The following CGGBP1 variants were observed in gnomAD, a reference collection of about 807,000 sequenced individuals.
The protein encoded by CGGBP1 is CGG triplet repeat binding protein 1, also known as CGG triplet repeat-binding protein 1.
A neutral mutation model predicts 11.4 loss-of-function variants in CGGBP1; 4 were observed. The observed-to-expected ratio is 0.35, with a 90% CI of 0.17 to 0.80. The LOEUF (loss-of-function observed/expected upper bound fraction) is 0.80, where lower values mean the gene tolerates loss of function less well. Ranked by LOEUF, CGGBP1 falls within the 30% of genes least tolerant of loss-of-function variation. CGGBP1 has a pLI of 0.52. For synonymous variants in CGGBP1, 76 were observed against 74.1 expected, an observed-to-expected ratio of 1.03 and a Z score of -0.13; for missense variants, 135 against 202.1, an observed-to-expected ratio of 0.67 and a Z score of 2.01.
chr3:88,072,668 TC>T (rs1161166046), intron 2 of CGGBP1, among the ~76,000 whole-genome samples: 4 of 152,160 alleles, frequency 2.6e-5, no homozygotes, highest in Non-Finnish European at 5.9e-5. Context: ...GTATTCTTTT[TC>T]CCCCTTACCT....
At chr3:88,141,175 A>G in intron 1 of CGGBP1, 1 of 1,091,834 alleles carries the variant, frequency 9.2e-7, no homozygotes, top group South Asian at 1.7e-5. Flanking sequence ...GCATTACTCC[A>G]TACATTATTT....
chr3:88,145,777 T>C (rs1707302002), intron 1 of CGGBP1, among the ~76,000 whole-genome samples: 1 of 152,138 alleles, frequency 6.6e-6, no homozygotes, highest in Non-Finnish European at 1.5e-5. Flanking sequence ...TACTGCACAT[T>C]GGGGGGAAGA....
intron 2 of CGGBP1, among the ~76,000 whole-genome samples, chr3:88,125,090 C>T (rs1348994423): frequency 5.3e-5 from 8 of 151,848 alleles, no homozygotes; most frequent in Admixed American, 5.3e-4. Context: ...TGACACGCGC[C>T]TGTAGTCCCA....
intron 2 of CGGBP1, chr3:88,057,734 A>G (rs1706593616): frequency 6.6e-6 from 1 of 152,264 alleles, no homozygotes; most frequent in African/African-American, 2.4e-5. Context: ...AATTCTTTAT[A>G]GCATAAAATG....
At chr3:88,059,735 A>G (rs773552682), upstream of CGGBP1, among the ~76,000 whole-genome samples, 1 of 151,730 alleles carries the variant, frequency 6.6e-6, no homozygotes, top group Non-Finnish European at 1.5e-5. Flanking sequence ...TTTGTCGGGG[A>G]TGGAGGGGCT....
At chr3:88,137,859 T>G (rs1706890500) in intron 2 of CGGBP1, among the ~76,000 whole-genome samples, 1 of 152,172 alleles carries the variant, frequency 6.6e-6, no homozygotes, top group Non-Finnish European at 1.5e-5. Flanking sequence ...TATTCCTCCC[T>G]GTAATCTATA....
intron 2 of CGGBP1, among the ~76,000 whole-genome samples, chr3:88,126,715 C>G (rs1232400661): frequency 6.6e-6 from 1 of 150,996 alleles, no homozygotes; most frequent in Non-Finnish European, 1.5e-5. Flanking sequence ...ACTGCATATC[C>G]TATAGCTAGC....
chr3:88,141,506 A>G, intron 1 of CGGBP1: 1 of 554,170 alleles, frequency 1.8e-6, no homozygotes, highest in Non-Finnish European at 2.9e-6. Context: ...TTGAGAAACA[A>G]AATCAGAAAA....
chr3:88,076,958 T>C (rs1213265924), intron 2 of CGGBP1, among the ~76,000 whole-genome samples: 1 of 152,186 alleles, frequency 6.6e-6, no homozygotes, highest in African/African-American at 2.4e-5. Context: ...GACCAATACA[T>C]TAACCTTGGC....
intron 2 of CGGBP1, chr3:88,129,876 A>G (rs1706341477): frequency 2.3e-6 from 3 of 1,326,798 alleles, no homozygotes; most frequent in Admixed American, 3.1e-5. Context: ...GGCAACAGAA[A>G]GGAAATTGCA....
intron 2 of CGGBP1, among the ~76,000 whole-genome samples, chr3:88,118,915 G>C (rs946108484): frequency 6.6e-6 from 1 of 150,394 alleles, no homozygotes; most frequent in African/African-American, 2.5e-5. Flanking sequence ...GGAGAAATAG[G>C]AACACTTTTA....
Position 88,055,378 on chromosome 3 carries a change from T to C in CGGBP1, c.*95A>G. 1.6e-6 allele frequency: 2 copies of C among 1,246,210 alleles called. No homozygotes were observed. Among genetic ancestry groups the C allele is most frequent in the South Asian group, 1.8e-5 (1 of 55,690 alleles). The allele number at this position is 1,246,210 out of a possible 1,614,324, so 77.2% of individuals were successfully genotyped here. On this transcript the variant is annotated 3_prime_UTR_variant, in exon 4 of 4. Coordinates refer to ENST00000482016, the MANE Select transcript of CGGBP1 (RefSeq NM_001008390.2). This position sits in a 1 kb window ranked among gnomAD's most constrained non-coding sequence, Gnocchi z 4.2. ...TGCAAAACTATTCTGCGTCACATGA[T>C]TTTAAATGAAATAAATACAAAAATG...
chr3:88,085,284 A>G (rs1267856491), intron 2 of CGGBP1, among the ~76,000 whole-genome samples: 1 of 152,210 alleles, frequency 6.6e-6, no homozygotes, highest in African/African-American at 2.4e-5. Context: ...TCTTTCTGTC[A>G]CAACTACTGA....
At chr3:88,133,911 A>G (rs1691601235) in intron 2 of CGGBP1, among the ~76,000 whole-genome samples, 1 of 152,132 alleles carries the variant, frequency 6.6e-6, no homozygotes, top group African/African-American at 2.4e-5. Context: ...AGAATAGAGG[A>G]ATGTTTAGTG....
chr3:88,109,277 C>T (rs1236055174), intron 2 of CGGBP1, among the ~76,000 whole-genome samples: 1 of 151,660 alleles, frequency 6.6e-6, no homozygotes, highest in African/African-American at 2.4e-5. Flanking sequence ...AGTATGTCAA[C>T]GTTACCCACA....
chr3:88,147,182 A>G (rs545165733), intron 1 of CGGBP1, among the ~76,000 whole-genome samples: 27 of 152,298 alleles, frequency 1.8e-4, no homozygotes, highest in African/African-American at 5.8e-4. Context: ...CTCATATTCT[A>G]CTGGGGGACA....
chr3:88,094,140 T>G (rs1046000796), intron 2 of CGGBP1, among the ~76,000 whole-genome samples: 17 of 152,006 alleles, frequency 1.1e-4, no homozygotes, highest in African/African-American at 3.4e-4. Flanking sequence ...GTCTTAATTC[T>G]TTTCTCTTAC....
intron 2 of CGGBP1, chr3:88,129,670 C>A (rs1410039689): frequency 7.1e-7 from 1 of 1,413,248 alleles, no homozygotes; most frequent in South Asian, 1.5e-5. Flanking sequence ...GAACTGATTT[C>A]TCTTTTCCTC....
upstream of CGGBP1, among the ~76,000 whole-genome samples, chr3:88,059,951 A>T (rs1193353853): frequency 4.6e-5 from 7 of 151,006 alleles, no homozygotes; most frequent in African/African-American, 1.5e-4. Context: ...CCGGGATGGG[A>T]GACATGCCAT....
Sources: gnomAD v4.1 joint callset for allele counts (sites outside exome capture counted in the v4.1 genomes callset) on GRCh38, gnomAD v4.1.1 for gene constraint, Gnocchi (gnomAD v3.1) non-coding constraint, MANE v1.5 for transcripts, NCBI Gene and HGNC (gene_info 2026-07-23, HGNC 2026-07-21) for gene names.